The following PLCB1 variants were observed in gnomAD, a reference collection of about 807,000 sequenced individuals.
The protein encoded by PLCB1 is 1-phosphatidylinositol 4,5-bisphosphate phosphodiesterase beta-1.
In PLCB1, 46 loss-of-function variants were observed where a neutral mutation model predicts 161.8. That is an observed-to-expected ratio of 0.28 (90% CI 0.22 to 0.36). The LOEUF is 0.36. PLCB1 is among the 10% of genes least tolerant of loss of function. PLCB1 has a pLI of 1.00. For synonymous variants in PLCB1, 517 were observed against 503.7 expected, an observed-to-expected ratio of 1.03 and a Z score of -0.35; for missense variants, 1,016 against 1,472.5, an observed-to-expected ratio of 0.69 and a Z score of 5.07.
intron 31 of PLCB1, among the ~76,000 whole-genome samples, chr20:8,799,092 C>T (rs988841865): frequency 6.6e-6 from 1 of 152,132 alleles, no homozygotes; most frequent in Non-Finnish European, 1.5e-5. Flanking sequence ...AACTTAGATT[C>T]GCATGGATGC....
At chr20:8,855,272 C>G (rs1987032175) in intron 31 of PLCB1, among the ~76,000 whole-genome samples, 1 of 152,070 alleles carries the variant, frequency 6.6e-6, no homozygotes, top group African/African-American at 2.4e-5. Flanking sequence ...TAAAAGAACA[C>G]CTGAGTATAT....
intron 31 of PLCB1, among the ~76,000 whole-genome samples, chr20:8,870,329 G>A (rs1437883994): frequency 1.3e-5 from 2 of 152,176 alleles, no homozygotes; most frequent in Non-Finnish European, 2.9e-5. Flanking sequence ...AGACGTCAAA[G>A]TCATGAAGGG....
In PLCB1 at chr20:8,319,905, G is replaced by GT. The variant is rs568424903; in HGVS notation, c.178-51475dup. 1.5e-4 allele frequency among the ~76,000 whole-genome samples: 23 copies of GT among 152,008 alleles called. No homozygotes were observed. In the East Asian group the frequency reaches 3.5e-3, roughly 23 times the overall value. ...AGATATACCTAATGCTAAATGATGA[G>GT]TTAATGGGTGCAGCACACCAACATG... On this transcript the variant is annotated intron_variant, in intron 2 of 31. Coordinates refer to ENST00000338037, the MANE Select transcript of PLCB1 (RefSeq NM_015192.4).
intron 3 of PLCB1, among the ~76,000 whole-genome samples, chr20:8,401,772 G>C (rs1456374903): frequency 6.6e-6 from 1 of 152,152 alleles, no homozygotes; most frequent in African/African-American, 2.4e-5. Flanking sequence ...CCTCAGCCTA[G>C]AAGTGACATG....
intron 3 of PLCB1, among the ~76,000 whole-genome samples, chr20:8,530,570 A>T (rs181922696): frequency 6.6e-6 from 1 of 152,126 alleles, no homozygotes; most frequent in Non-Finnish European, 1.5e-5. Context: ...CATGATACCA[A>T]TACTTCAAAA....
intron 1 of PLCB1, chr20:8,142,013 A>G (rs1600193839): frequency 1.3e-5 from 2 of 152,232 alleles, no homozygotes; most frequent in East Asian, 1.9e-4. Flanking sequence ...GGCCAGATCT[A>G]TATTACTTGT....
chr20:8,497,147 G>A (rs184032821), intron 3 of PLCB1, among the ~76,000 whole-genome samples: 1 of 146,640 alleles, frequency 6.8e-6, no homozygotes, highest in Non-Finnish European at 1.5e-5. Flanking sequence ...GGAAGTGAAG[G>A]GGAAAATGCA....
intron 2 of PLCB1, among the ~76,000 whole-genome samples, chr20:8,327,179 C>A (rs1985187782): frequency 6.6e-6 from 1 of 152,182 alleles, no homozygotes; most frequent in African/African-American, 2.4e-5. Flanking sequence ...AGCCACTGTG[C>A]CTAGCCTGTT....
At chr20:8,150,186 A>C in intron 1 of PLCB1, 108 bp from the exon 2 acceptor site, 2 of 464,914 alleles carry the variant, frequency 4.3e-6, no homozygotes, top group Non-Finnish European at 7.8e-6. Flanking sequence ...TTTCTTAATA[A>C]TTGACTACTT....
intron 3 of PLCB1, among the ~76,000 whole-genome samples, chr20:8,468,654 C>G (rs1981920207): frequency 1.3e-5 from 2 of 152,142 alleles, no homozygotes; most frequent in African/African-American, 4.8e-5. Context: ...AGATGACTGA[C>G]ATTATTCAAT....
At chr20:8,176,862 T>G (rs1270578684) in intron 2 of PLCB1, among the ~76,000 whole-genome samples, 3 of 152,160 alleles carry the variant, frequency 2.0e-5, no homozygotes, top group Non-Finnish European at 4.4e-5. Flanking sequence ...TCCAGAGTAG[T>G]GCCTGAGGAC....
intron 31 of PLCB1, among the ~76,000 whole-genome samples, chr20:8,854,266 A>C (rs1201136515): frequency 6.6e-6 from 1 of 151,024 alleles, no homozygotes. Flanking sequence ...CTCAGAGGGC[A>C]TTTTTTTTTA....
At chr20:8,557,751 A>G (rs745813826) in intron 3 of PLCB1, among the ~76,000 whole-genome samples, 1 of 151,994 alleles carries the variant, frequency 6.6e-6, no homozygotes, top group Non-Finnish European at 1.5e-5. Flanking sequence ...AAAAGTCACT[A>G]AAGAAAGAAA....
chr20:8,632,262 A>C (rs962955800), intron 4 of PLCB1, among the ~76,000 whole-genome samples: 1 of 151,924 alleles, frequency 6.6e-6, no homozygotes, highest in African/African-American at 2.4e-5. Flanking sequence ...AAATGTTAGC[A>C]ATACTCTTCT....
intron 19 of PLCB1, 66 bp downstream of exon 19, chr20:8,733,458 A>C: frequency 1.4e-6 from 2 of 1,382,818 alleles, no homozygotes; most frequent in African/African-American, 1.4e-5. Context: ...TTGCATAAAG[A>C]AGTGGCTTAG....
intron 9 of PLCB1, among the ~76,000 whole-genome samples, chr20:8,671,989 T>C (rs1015368409): frequency 1.3e-5 from 2 of 152,256 alleles, no homozygotes; most frequent in Admixed American, 6.5e-5. Flanking sequence ...CAATGCTCAG[T>C]AATAGTAGCT....
chr20:8,825,821 T>C (rs1985667119), intron 31 of PLCB1, among the ~76,000 whole-genome samples: 1 of 152,084 alleles, frequency 6.6e-6, no homozygotes, highest in Admixed American at 6.5e-5. Context: ...ACTCTGGCAG[T>C]GTGGAGTCGG....
chr20:8,719,253 T>G (rs1979496050), intron 14 of PLCB1, among the ~76,000 whole-genome samples: 1 of 152,178 alleles, frequency 6.6e-6, no homozygotes, highest in South Asian at 2.1e-4. Context: ...TACTTAGCAG[T>G]GTCTACAAAA....
intron 2 of PLCB1, among the ~76,000 whole-genome samples, chr20:8,196,295 G>T (rs1241400184): frequency 6.6e-6 from 1 of 152,062 alleles, no homozygotes; most frequent in African/African-American, 2.4e-5. Context: ...ATACCATTTG[G>T]CAGTTGGCTC....
Sources: allele counts gnomAD v4.1 joint callset (sites outside exome capture counted in the v4.1 genomes callset), GRCh38; gene constraint gnomAD v4.1.1; transcripts MANE v1.5; gene names NCBI Gene and HGNC (gene_info 2026-07-23, HGNC 2026-07-21).